NPHP1: variants seen among roughly 807,000 people sequenced by gnomAD.
The protein encoded by NPHP1 is nephrocystin 1.
NPHP1 carries 70 observed loss-of-function variants against 90.4 expected under a neutral mutation model. The observed-to-expected ratio is 0.77, with a 90% CI of 0.64 to 0.95. NPHP1 has a LOEUF of 0.95. NPHP1 is among the 40% of genes least tolerant of loss of function. The pLI, the probability that NPHP1 is intolerant of heterozygous loss-of-function variation, is 0.00. For synonymous variants in NPHP1, 256 were observed against 271.7 expected, an observed-to-expected ratio of 0.94 and a Z score of 0.57; for missense variants, 764 against 795.9, an observed-to-expected ratio of 0.96 and a Z score of 0.48.
chr2:110,126,439 T>C (rs1314178271), intron 18 of NPHP1: 1 of 152,326 alleles, frequency 6.6e-6, no homozygotes, highest in Non-Finnish European at 1.5e-5. Flanking sequence ...AGATTCTCCA[T>C]AAAATAAATG....
At chr2:110,168,798 G>A (rs762468830) in intron 5 of NPHP1, among the ~76,000 whole-genome samples, 7 of 151,920 alleles carry the variant, frequency 4.6e-5, no homozygotes, top group African/African-American at 1.7e-4. Flanking sequence ...ACATACACTT[G>A]AGCCATTTAT....
At chr2:110,137,342 A>G (rs1369411929) in intron 16 of NPHP1, among the ~76,000 whole-genome samples, 1 of 152,150 alleles carries the variant, frequency 6.6e-6, no homozygotes, top group African/African-American at 2.4e-5. Flanking sequence ...ATTAAACTAA[A>G]GAGCTCCTGC....
At chr2:110,185,319 C>T (rs946557353) in intron 2 of NPHP1, 6 of 362,280 alleles carry the variant, frequency 1.7e-5, no homozygotes, top group East Asian at 7.1e-5. Context: ...CATGCAAGTG[C>T]CATGTGGCCC....
chr2:110,160,552 C>T (rs1413454452), intron 10 of NPHP1, among the ~76,000 whole-genome samples: 1 of 152,144 alleles, frequency 6.6e-6, no homozygotes, highest in Non-Finnish European at 1.5e-5. Context: ...TATAGAATCA[C>T]TGTATTCCAG....
chr2:110,164,303 T>C, intron 8 of NPHP1: 1 of 563,516 alleles, frequency 1.8e-6, no homozygotes, highest in Non-Finnish European at 3.1e-6. Flanking sequence ...TCCCAAAATG[T>C]TGGGATTACC....
chr2:110,140,346 T>C (rs1464081443), intron 16 of NPHP1, among the ~76,000 whole-genome samples: 3 of 152,004 alleles, frequency 2.0e-5, no homozygotes, highest in African/African-American at 7.3e-5. Context: ...TCACAAACAT[T>C]TTTCGGGTGC....
intron 16 of NPHP1, among the ~76,000 whole-genome samples, chr2:110,138,039 G>A (rs1488062662): frequency 6.6e-6 from 1 of 151,912 alleles, no homozygotes; most frequent in East Asian, 1.9e-4. Flanking sequence ...CATGGATGAA[G>A]CTGGAAACCA....
intron 4 of NPHP1, among the ~76,000 whole-genome samples, chr2:110,177,599 A>T (rs1418285879): frequency 6.6e-6 from 1 of 152,154 alleles, no homozygotes; most frequent in East Asian, 1.9e-4. Context: ...CCAAAATCCA[A>T]AACAATCCAA....
rs748347638 is a variant in NPHP1, at chr2:110,168,531, A to G, written c.545T>C (p.Ile182Thr). 2 of 1,612,102 alleles carry G rather than the reference A, an allele frequency of 1.2e-6. No individual in the cohort carries two copies. The highest frequency in any genetic ancestry group is 2.2e-5 in the East Asian group (1 of 44,846). The change falls in exon 6 of 20, where the codon ATT (isoleucine) becomes ACT (threonine). Residue 182 changes from isoleucine (I) to threonine (T), a missense_variant. Transcript: ENST00000445609. ...TFKKGEILLV[I>T]EKKPDGWWIA... ...CCACCAACCATCAGGTTTTTTTTCA[A>G]TTACAAGGAGAATTTCCCCTTTCTT...
intron 16 of NPHP1, among the ~76,000 whole-genome samples, chr2:110,139,006 T>G (rs1478687095): frequency 1.3e-5 from 2 of 152,098 alleles, no homozygotes; most frequent in Non-Finnish European, 2.9e-5. Flanking sequence ...GTTAGCTGAA[T>G]TAAGTAAGTA....
chr2:110,199,979 C>T (rs746794849), intron 2 of NPHP1, among the ~76,000 whole-genome samples: 3 of 152,170 alleles, frequency 2.0e-5, no homozygotes, highest in Non-Finnish European at 2.9e-5. Flanking sequence ...TATTAGGGGC[C>T]GGGCGCGGTG....
chr2:110,151,759 T>A (rs1681487201), intron 11 of NPHP1, among the ~76,000 whole-genome samples: 1 of 152,174 alleles, frequency 6.6e-6, no homozygotes, highest in Non-Finnish European at 1.5e-5. Flanking sequence ...ATTACTACCT[T>A]GTGATTACTG....
At chr2:110,132,481 C>T (rs1326047465) in intron 16 of NPHP1, among the ~76,000 whole-genome samples, 1 of 152,240 alleles carries the variant, frequency 6.6e-6, no homozygotes, top group South Asian at 2.1e-4. Context: ...ATGGTGAAAC[C>T]ATATCTCTGC....
rs1682563133 is a variant in NPHP1, at chr2:110,164,451, C to T, written c.771+237G>A. On this transcript the variant is annotated intron_variant, in intron 8 of 19. Transcript: ENST00000445609. Reference sequence around the variant, plus strand: ...GGATCAATGAGAATGTTTCCAAGTCCTCAAGTGACACCATGAATTATCTAT... The same window carrying T: ...GGATCAATGAGAATGTTTCCAAGTCTTCAAGTGACACCATGAATTATCTAT... 1.0e-5 allele frequency: 8 copies of T among 803,206 alleles called. No individual in the cohort carries two copies. The Middle Eastern group carries it at 6.9e-4, about 69-fold the overall frequency. The allele number at this position is 803,206 out of a possible 1,614,324, so 49.8% of individuals were successfully genotyped here. A position where few individuals can be genotyped will look rare whatever the true frequency, so the allele number is the denominator to read the frequency against.
intron 17 of NPHP1, among the ~76,000 whole-genome samples, chr2:110,131,264 C>T (rs1456492027): frequency 6.6e-6 from 1 of 152,058 alleles, no homozygotes; most frequent in Non-Finnish European, 1.5e-5. Flanking sequence ...CTGGATTCAC[C>T]AATTTAAACT....
rs1038521960 is a variant in NPHP1 at position 110,150,406 on chromosome 2, G to A, written c.1084-150C>T. 16 of 733,410 alleles carry A rather than the reference G, an allele frequency of 2.2e-5. No individual in the cohort carries two copies. The Admixed American group carries it at 2.5e-4, about 12-fold the overall frequency. The allele number at this position is 733,410 out of a possible 1,614,324, so 45.4% of individuals were successfully genotyped here. On this transcript the variant is annotated intron_variant, in intron 11 of 19. Transcript: ENST00000445609. ...TTTTTACTTCATGTAATTCTGTAATGTTTTTCTTTTTATATCAGGTATGAC... is the reference window on the plus strand; with the variant it reads ...TTTTTACTTCATGTAATTCTGTAATATTTTTCTTTTTATATCAGGTATGAC...
chr2:110,163,796 G>A lies in NPHP1; in HGVS notation c.772-661C>T, dbSNP rs149296407. On this transcript the variant is annotated intron_variant, in intron 8 of 19. Coordinates refer to ENST00000445609, the MANE Select transcript of NPHP1 (RefSeq NM_001128178.3). Reference sequence around the variant, plus strand: ...CTGCCTCAGCCTCCCCAGGAGCTGGGACTACAGACATGCGCTACCACGCCC... The same window carrying A: ...CTGCCTCAGCCTCCCCAGGAGCTGGAACTACAGACATGCGCTACCACGCCC... 33 of 155,330 alleles carry A rather than the reference G, an allele frequency of 2.1e-4. 1 individual carries two copies. The East Asian group carries it at 6.3e-3, about 30-fold the overall frequency. 9.6% of individuals were successfully genotyped at this position (155,330 alleles called of 1,614,324 possible). A position where few individuals can be genotyped will look rare whatever the true frequency, so the allele number is the denominator to read the frequency against.
intron 2 of NPHP1, among the ~76,000 whole-genome samples, chr2:110,188,828 C>T (rs993657859): frequency 2.0e-5 from 3 of 152,072 alleles, no homozygotes; most frequent in Non-Finnish European, 1.5e-5. Flanking sequence ...ATAGAGAACT[C>T]AGAAATAAGA....
At chr2:110,190,311 G>A (rs909964378) in intron 2 of NPHP1, among the ~76,000 whole-genome samples, 79 of 152,302 alleles carry the variant, frequency 5.2e-4, no homozygotes, top group African/African-American at 1.3e-3. Flanking sequence ...GGCTCGGGCC[G>A]CACAGGAGCC....
Sources: allele counts gnomAD v4.1 joint callset (sites outside exome capture counted in the v4.1 genomes callset), GRCh38; gene constraint gnomAD v4.1.1; transcripts MANE v1.5; gene names NCBI Gene and HGNC (gene_info 2026-07-23, HGNC 2026-07-21).